Variants in RUNDC1 observed in about 807,000 individuals in gnomAD.
The protein encoded by RUNDC1 is RUN domain containing 1.
In RUNDC1, 31 loss-of-function variants were observed where a neutral mutation model predicts 49.3. The ratio of observed to expected loss-of-function variants is 0.63; its 90% confidence interval spans 0.47 to 0.85. The LOEUF (loss-of-function observed/expected upper bound fraction) is 0.85, where lower values mean the gene tolerates loss of function less well. Among genes scored for constraint, RUNDC1 ranks in the 40% least tolerant of loss-of-function variants. The pLI is 0.00. For missense variants in RUNDC1, 715 were observed against 806.7 expected, an observed-to-expected ratio of 0.89 and a Z score of 1.38; for synonymous variants, 347 against 348.6, an observed-to-expected ratio of 1.00 and a Z score of 0.05.
chr17:42,982,386 T>A (rs1270974483), intron 1 of RUNDC1, among the ~76,000 whole-genome samples: 2 of 152,126 alleles, frequency 1.3e-5, no homozygotes, highest in Non-Finnish European at 2.9e-5. Context: ...GATAATGATT[T>A]GTTTATTTTA....
Position 42,991,420 on chromosome 17 carries a change from C to A in RUNDC1, c.1546C>A (p.Leu516Ile), listed in dbSNP as rs527942295. 5.6e-6 allele frequency: 9 copies of A among 1,614,118 alleles called. No homozygotes were observed. The highest frequency in any genetic ancestry group is 5.9e-6 in the Non-Finnish European group (7 of 1,180,048). Residue 516 changes from leucine (L) to isoleucine (I), a missense_variant, in exon 5 of 5, where the codon CTA (leucine) becomes ATA (isoleucine). By Grantham distance (5) the Leu-to-Ile change is conservative. Transcript: ENST00000361677. ...CACTGTTGTCACCCCCAAACAGAGC[C>A]TACTGACAGCCATCCACATGGTGCT... The part of the protein sequence containing the change: ...GGTVVTPKQS[L>I]LTAIHMVLTE...
At chr17:42,989,568 T>G (rs1456293763) in intron 3 of RUNDC1, 29 bp downstream of exon 3, 1 of 1,571,558 alleles carries the variant, frequency 6.4e-7, no homozygotes, top group Admixed American at 1.7e-5. Flanking sequence ...ATGAGAAGGG[T>G]GGACAGGTGT....
Position 42,987,451 on chromosome 17 carries a change from A to G in RUNDC1, c.657+37A>G, listed in dbSNP as rs2050186615. On this transcript the variant is annotated intron_variant, in intron 2 of 4. Coordinates refer to ENST00000361677, the MANE Select transcript of RUNDC1 (RefSeq NM_173079.5). The stretch of plus-strand genomic sequence containing the variant: ...CCAGAGGAACCTCCACCACTGCCCG[A>G]GGTTAACTTGTCCCTTCCAGCATTC... 7 of 1,605,414 alleles carry G rather than the reference A, an allele frequency of 4.4e-6. No individual in the cohort carries two copies. In the Admixed American group the frequency reaches 1.2e-4, roughly 27 times the overall value.
rs745776650 is a variant in RUNDC1, at chr17:42,992,072, G to C, written c.*356G>C. ...TACTAAAAATACAAAAAAATTAGTC[G>C]GACATGGTGGCAGGCACCTGTAGTC... On this transcript the variant is annotated 3_prime_UTR_variant, in exon 5 of 5. Coordinates refer to ENST00000361677, the MANE Select transcript of RUNDC1 (RefSeq NM_173079.5). 5.0e-6 allele frequency: 1 copy of C among 201,700 alleles called. No homozygotes were observed. The highest frequency in any genetic ancestry group is 5.3e-5 in the Admixed American group (1 of 18,754). 12.5% of individuals were successfully genotyped at this position (201,700 alleles called of 1,614,324 possible).
Position 42,993,006 on chromosome 17 carries a change from A to G in RUNDC1, c.*1290A>G, listed in dbSNP as rs973342939. 1 of 152,344 alleles carries G rather than the reference A, an allele frequency of 6.6e-6. No individual in the cohort carries two copies. The highest frequency in any genetic ancestry group is 1.9e-4 in the East Asian group (1 of 5,194). The allele number at this position is 152,344 out of a possible 1,614,324, so 9.4% of individuals were successfully genotyped here. A position where few individuals can be genotyped will look rare whatever the true frequency, so the allele number is the denominator to read the frequency against. On this transcript the variant is annotated 3_prime_UTR_variant, in exon 5 of 5. Coordinates refer to ENST00000361677, the MANE Select transcript of RUNDC1 (RefSeq NM_173079.5). Reference sequence around the variant, plus strand: ...AGTCTTTTTAGAAGTAAATATATTCAAGACAAACGAGAAAATCCTGGCTAC... The same window carrying G: ...AGTCTTTTTAGAAGTAAATATATTCGAGACAAACGAGAAAATCCTGGCTAC...
intron 1 of RUNDC1, chr17:42,985,788 G>A (rs982458833): frequency 4.9e-6 from 3 of 617,338 alleles, no homozygotes; most frequent in Admixed American, 1.3e-4. Flanking sequence ...AAGAACCAGT[G>A]TTTGAGAATA....
At chr17:42,990,460 C>G (rs2050223843) in intron 4 of RUNDC1, 24 bp downstream of exon 4, 1 of 1,611,872 alleles carries the variant, frequency 6.2e-7, no homozygotes, top group Admixed American at 1.7e-5. Context: ...CCAGAACAGG[C>G]AAATCTCTAG....
Position 42,991,437 on chromosome 17 carries a change from CATG to C in RUNDC1, c.1564_1566del (p.Met522del). The C allele has an allele frequency of 6.2e-7, 1 of 1,614,246 alleles. No individual in the cohort carries two copies. The highest frequency in any genetic ancestry group is 8.5e-7 in the Non-Finnish European group (1 of 1,180,042). On this transcript the variant is annotated inframe_deletion, in exon 5 of 5. Coordinates refer to ENST00000361677, the MANE Select transcript of RUNDC1 (RefSeq NM_173079.5). Reference sequence around the variant, plus strand: ...AACAGAGCCTACTGACAGCCATCCACATGGTGCTGACAGAGCATGACCCTTTTA... The same window carrying C: ...AACAGAGCCTACTGACAGCCATCCACGTGCTGACAGAGCATGACCCTTTTA...
In RUNDC1 at chr17:42,993,741, G is replaced by C. The variant is rs1156437662; in HGVS notation, c.*2025G>C. The C allele has an allele frequency of 6.6e-6, 1 of 152,174 alleles. No individual in the cohort carries two copies. The highest frequency in any genetic ancestry group is 2.4e-5 in the African/African-American group (1 of 41,436). The allele number at this position is 152,174 out of a possible 1,614,324, so 9.4% of individuals were successfully genotyped here. On this transcript the variant is annotated 3_prime_UTR_variant, in exon 5 of 5. Coordinates refer to ENST00000361677, the MANE Select transcript of RUNDC1 (RefSeq NM_173079.5). ...GATCATCTCAGCTTTGGTGGTGGTA[G>C]TAGGGGTTTTTTGCCTGAAAAAATT...
At chr17:42,990,502 C>T (rs2050224637) in intron 4 of RUNDC1, 66 bp downstream of exon 4, 1 of 1,530,536 alleles carries the variant, frequency 6.5e-7, no homozygotes, top group Middle Eastern at 1.8e-4. Flanking sequence ...TTGCCTAGGG[C>T]TTGGGTGTGT....
rs760665043 is a variant in RUNDC1 at position 42,987,265 on chromosome 17, GA to G, written c.512del (p.Lys171SerfsTer15). 1 of 1,614,048 alleles carries G rather than the reference GA, an allele frequency of 6.2e-7. No individual in the cohort carries two copies. The highest frequency in any genetic ancestry group is 8.5e-7 in the Non-Finnish European group (1 of 1,179,964). On this transcript the variant is annotated frameshift_variant, in exon 2 of 5. Coordinates refer to ENST00000361677, the MANE Select transcript of RUNDC1 (RefSeq NM_173079.5). LOFTEE classifies it high-confidence loss of function. ...TATTTTCTTGCCTTAGAGTGAGCAGGAAAAGCAAGAGCGTCTGGAAACCCAA... is the reference window on the plus strand; with the variant it reads ...TATTTTCTTGCCTTAGAGTGAGCAGGAAAGCAAGAGCGTCTGGAAACCCAA... ...WLRGEDQSEQEKQERLETQRE... is the reference protein window; with the variant it reads ...WLRGEDQSEQXKQERLETQRE...
At chr17:42,983,093 G>C (rs1405135444) in intron 1 of RUNDC1, among the ~76,000 whole-genome samples, 1 of 151,322 alleles carries the variant, frequency 6.6e-6, no homozygotes, top group Non-Finnish European at 1.5e-5. Context: ...GCTGGAGGAG[G>C]ATCACTTGAG....
chr17:42,983,696 G>T (rs1369947875), intron 1 of RUNDC1, among the ~76,000 whole-genome samples: 1 of 150,544 alleles, frequency 6.6e-6, no homozygotes, highest in Non-Finnish European at 1.5e-5. Flanking sequence ...TCTTGAGACA[G>T]AGTCTCACTC....
intron 1 of RUNDC1, among the ~76,000 whole-genome samples, chr17:42,986,563 T>C (rs1181863430): frequency 1.3e-5 from 2 of 152,002 alleles, no homozygotes; most frequent in African/African-American, 4.8e-5. Flanking sequence ...AGTGGCGCGA[T>C]CTCTGCTCAC....
Position 42,981,040 on chromosome 17 carries a change from C to T in RUNDC1, c.464C>T (p.Pro155Leu), listed in dbSNP as rs2050074916. 5.8e-6 allele frequency: 9 copies of T among 1,557,694 alleles called. No individual in the cohort carries two copies. The highest frequency in any genetic ancestry group is 1.4e-5 in the African/African-American group (1 of 73,152). ...DPASDEGDGL[P>L]GDRPWLRGED... is the part of the protein sequence containing the mutation. ...GCCAGCGATGAGGGCGATGGGCTGC[C>T]AGGGGACCGGCCATGGTTGCGGGGC... Residue 155 changes from proline to leucine, a missense_variant, in exon 1 of 5, where the codon CCA becomes CTA. By Grantham distance (98) the Pro-to-Leu change is moderately conservative. Around this residue, in one of 5 missense-constraint regions of RUNDC1, gnomAD observed 113 missense variants for 93.4 expected, o/e 1.21. Coordinates refer to ENST00000361677, the MANE Select transcript of RUNDC1 (RefSeq NM_173079.5).
chr17:42,987,170 T>G (rs996653993), intron 1 of RUNDC1, 86 bp from the exon 2 acceptor site: 22 of 848,088 alleles, frequency 2.6e-5, no homozygotes, highest in African/African-American at 6.8e-5. Context: ...TATATTTTAT[T>G]GGTCATTACT....
At position 42,991,557 on chromosome 17, in the gene RUNDC1, C is replaced by T. The variant is rs112582719; in HGVS notation, c.1683C>T (p.Ser561=). Residue 561 remains serine (S), a synonymous_variant, in exon 5 of 5, where the codon TCC becomes TCT. Coordinates refer to ENST00000361677, the MANE Select transcript of RUNDC1 (RefSeq NM_173079.5). ...CCTGGGTGAACCTCATCTGCAAGTC[C>T]GGGTCACTCATCGAGCCTCACTACC... is the stretch of plus-strand genomic sequence containing the variant. ...LVSWVNLICK[S]GSLIEPHYQP... The T allele has an allele frequency of 1.9e-5, 31 of 1,614,114 alleles. 1 individual carries two copies. Among genetic ancestry groups the T allele is most frequent in the African/African-American group, 1.3e-4 (10 of 75,022 alleles).
At chr17:42,990,816 CCT>C in intron 4 of RUNDC1, 33 bp from the exon 5 acceptor site, 1 of 1,552,238 alleles carries the variant, frequency 6.4e-7, no homozygotes, top group Non-Finnish European at 8.7e-7. Context: ...GCCATCATGG[CCT>C]CTCACTGATG....
rs1196530419 is a variant in RUNDC1, at chr17:42,991,480, T to G, written c.1606T>G (p.Ser536Ala). ...TGACCCTTTTAAGCGCAGTGCAGACTCAGAATTGAAGGCCTTGGTGTGCAT... is the reference window on the plus strand; with the variant it reads ...TGACCCTTTTAAGCGCAGTGCAGACGCAGAATTGAAGGCCTTGGTGTGCAT... ...EHDPFKRSAD[S>A]ELKALVCMAL... is the part of the protein sequence containing the mutation. The change falls in exon 5 of 5, where the codon TCA becomes GCA. Residue 536 changes from serine to alanine, a missense_variant. Coordinates refer to ENST00000361677, the MANE Select transcript of RUNDC1 (RefSeq NM_173079.5). 3 of 1,614,132 alleles carry G rather than the reference T, an allele frequency of 1.9e-6. No homozygotes were observed. Among genetic ancestry groups the G allele is most frequent in the Non-Finnish European group, 2.5e-6 (3 of 1,180,024 alleles).
Sources: allele counts gnomAD v4.1 joint callset (sites outside exome capture counted in the v4.1 genomes callset), GRCh38; gene constraint gnomAD v4.1.1; regional missense constraint gnomAD v4.1.1; transcripts MANE v1.5; gene names NCBI Gene and HGNC (gene_info 2026-07-23, HGNC 2026-07-21).